Variants in FN1 observed in about 807,000 individuals in gnomAD.
The protein encoded by FN1 is fibronectin 1, also known as fibronectin.
Under a neutral mutation model 297.3 loss-of-function variants are expected in FN1, and 106 were observed. That is an observed-to-expected ratio of 0.36 (90% CI 0.30 to 0.42). The LOEUF (loss-of-function observed/expected upper bound fraction) is 0.42. Among genes scored for constraint, FN1 ranks in the 10% least tolerant of loss-of-function variants. The pLI, the probability that FN1 is intolerant of heterozygous loss-of-function variation, is 1.00. For synonymous variants in FN1, 1,149 were observed against 1,152.6 expected (o/e 1.00, Z 0.06); for missense variants, 2,690 against 3,124.9 (o/e 0.86, Z 3.32).
intron 5 of FN1, among the ~76,000 whole-genome samples, chr2:215,429,383 A>G (rs374079688): frequency 1.4e-4 from 22 of 152,338 alleles, no homozygotes; most frequent in African/African-American, 4.8e-4. Context: ...GATTATTTAA[A>G]TTATAATCCA....
intron 27 of FN1, among the ~76,000 whole-genome samples, chr2:215,387,829 T>G (rs1303604446): frequency 2.0e-5 from 3 of 152,200 alleles, no homozygotes; most frequent in African/African-American, 7.2e-5. Flanking sequence ...CATATTTTAT[T>G]AAGTAAAAAG....
chr2:215,411,982 A>G (rs2062716554), intron 13 of FN1, among the ~76,000 whole-genome samples: 1 of 152,024 alleles, frequency 6.6e-6, no homozygotes, highest in Non-Finnish European at 1.5e-5. Context: ...TACATTTTAT[A>G]CCACTTTTAA....
chr2:215,376,184 T>C (rs1357111117), intron 36 of FN1, among the ~76,000 whole-genome samples: 5 of 152,244 alleles, frequency 3.3e-5, no homozygotes, highest in Non-Finnish European at 2.9e-5. Context: ...CTAAGATCTA[T>C]ACATCACTGT....
chr2:215,413,893 G>A (rs985317169), intron 13 of FN1, among the ~76,000 whole-genome samples: 4 of 152,136 alleles, frequency 2.6e-5, no homozygotes, highest in African/African-American at 9.7e-5. Flanking sequence ...TCAAAGATGC[G>A]TCTAGACGTG....
At chr2:215,398,086 G>A (rs1398711676) in intron 21 of FN1, among the ~76,000 whole-genome samples, 1 of 152,218 alleles carries the variant, frequency 6.6e-6, no homozygotes, top group African/African-American at 2.4e-5. Flanking sequence ...CCAGAGAAAT[G>A]TCATTACATA....
At position 215,372,011 on chromosome 2, in the gene FN1, T is replaced by G. The variant is rs1395087162; in HGVS notation, c.6612A>C (p.Gln2204His). The G allele has an allele frequency of 6.2e-7, 1 of 1,614,230 alleles. No individual in the cohort carries two copies. Among genetic ancestry groups the G allele is most frequent in the Non-Finnish European group, 8.5e-7 (1 of 1,180,030 alleles). Reference protein sequence around the residue: ...PGLNPNASTGQEALSQTTISW... With the variant: ...PGLNPNASTGHEALSQTTISW... ...AGATGGTTGTCTGAGAGAGAGCTTC[T>G]TGTCCTGTAGAGGCATTTGGATTGA... Residue 2204 changes from glutamine to histidine, a missense_variant, in exon 40 of 46, where the codon CAA (glutamine) becomes CAC (histidine). Around this residue, in one of 3 missense-constraint regions of FN1, gnomAD observed 1,743 missense variants for 1,945.2 expected, o/e 0.90. Transcript: ENST00000354785.
rs1360238781 is a variant in FN1, at chr2:215,367,941, G to A, written c.6940C>T (p.Arg2314Ter). ...AGTTTAAAGCCTGATTCAGACATTC[G>A]TTCCCACTCATCTCCAACGGCATAA... Reference protein sequence around the residue: ...SHYAVGDEWERMSESGFKLLC... With the variant: ...SHYAVGDEWE The change falls in exon 42 of 46, where the codon CGA (arginine) becomes TGA (stop). Residue 2314 changes from arginine (R) to a stop codon, truncating the protein, a stop_gained. Transcript: ENST00000354785. LOFTEE classifies it high-confidence loss of function. 1.9e-6 allele frequency: 3 copies of A among 1,614,010 alleles called. No homozygotes were observed. The highest frequency in any genetic ancestry group is 8.5e-7 in the Non-Finnish European group (1 of 1,179,912).
At chr2:215,412,118 G>A (rs1397449676) in intron 13 of FN1, among the ~76,000 whole-genome samples, 2 of 151,966 alleles carry the variant, frequency 1.3e-5, no homozygotes, top group African/African-American at 4.8e-5. Context: ...TGTTGATTTC[G>A]ATCACTGGAC....
At chr2:215,396,443 A>G (rs1559455395) in intron 23 of FN1, among the ~76,000 whole-genome samples, 1 of 152,198 alleles carries the variant, frequency 6.6e-6, no homozygotes. Flanking sequence ...ATATGTGAAC[A>G]AGGAATTTAG....
chr2:215,362,763 G>A (rs1010486844), intron 44 of FN1: 2 of 153,572 alleles, frequency 1.3e-5, no homozygotes, highest in African/African-American at 4.8e-5. Context: ...GGACACACAT[G>A]TTCTCTTTCA....
At position 215,404,608 on chromosome 2, in the gene FN1, T is replaced by C; in HGVS notation, c.3034A>G (p.Thr1012Ala). The change falls in exon 20 of 46, where the codon ACT (threonine) becomes GCT (alanine). Residue 1012 changes from threonine (T) to alanine (A), a missense_variant. Around this residue, in one of 3 missense-constraint regions of FN1, gnomAD observed 1,743 missense variants for 1,945.2 expected, o/e 0.90. Transcript: ENST00000354785. ...NLQFVNETDS[T>A]VLVRWTPPRA... ...GGTGGAGTCCATCTCACCAGGACAGTAGAATCAGTTTCATTGACAAACTGG... is the reference window on the plus strand; with the variant it reads ...GGTGGAGTCCATCTCACCAGGACAGCAGAATCAGTTTCATTGACAAACTGG... 6.2e-7 allele frequency: 1 copy of C among 1,613,942 alleles called. No homozygotes were observed. The highest frequency in any genetic ancestry group is 8.5e-7 in the Non-Finnish European group (1 of 1,179,846).
At position 215,404,264 on chromosome 2, in the gene FN1, T is replaced by G. The variant is rs1403452560; in HGVS notation, c.3253+125A>C. The G allele has an allele frequency of 3.0e-6, 3 of 1,001,040 alleles. No individual in the cohort carries two copies. In the East Asian group the frequency reaches 7.6e-5, roughly 25 times the overall value. 62.0% of individuals were successfully genotyped at this position (1,001,040 alleles called of 1,614,324 possible). The stretch of plus-strand genomic sequence containing the variant: ...GCCAGTCTATGGAGCACATTTTTAG[T>G]ATCACTGATTTAAATTATGTACTAA... On this transcript the variant is annotated intron_variant, in intron 20 of 45. Coordinates refer to ENST00000354785, the MANE Select transcript of FN1 (RefSeq NM_212482.4).
intron 12 of FN1, among the ~76,000 whole-genome samples, chr2:215,417,208 C>T (rs1414391478): frequency 6.6e-6 from 1 of 152,136 alleles, no homozygotes; most frequent in African/African-American, 2.4e-5. Flanking sequence ...TTTAAATTAA[C>T]TTAATTGGCA....
At chr2:215,370,605 G>A in intron 40 of FN1, 173 bp from the exon 41 acceptor site, 1 of 626,302 alleles carries the variant, frequency 1.6e-6, no homozygotes, top group Admixed American at 2.8e-5. Flanking sequence ...GCTGAGGAGA[G>A]AAATGGAACA....
At chr2:215,419,437 A>G in intron 11 of FN1, 52 bp from the exon 12 acceptor site, 5 of 1,505,476 alleles carry the variant, frequency 3.3e-6, no homozygotes, top group Non-Finnish European at 4.6e-6. Flanking sequence ...TATAACTACG[A>G]ATTTAATTTC....
rs762930787 is a variant in FN1 at position 215,379,124 on chromosome 2, T to C, written c.5622+6A>G. ...TTTATTCCAATGAACAACGGTCATG[T>C]CTTACCATAAGTCCTGATACAACCA... On this transcript the variant is annotated splice_donor_region_variant and intron_variant, in intron 34 of 45. Transcript: ENST00000354785. The C allele has an allele frequency of 2.5e-6, 4 of 1,613,452 alleles. No homozygotes were observed. Among genetic ancestry groups the C allele is most frequent in the Non-Finnish European group, 3.4e-6 (4 of 1,179,350 alleles).
intron 13 of FN1, among the ~76,000 whole-genome samples, chr2:215,413,013 A>C (rs2062898974): frequency 6.6e-6 from 1 of 152,148 alleles, no homozygotes; most frequent in Non-Finnish European, 1.5e-5. Context: ...GGGTGGATCA[A>C]AGTTTCCAGA....
chr2:215,420,933 A>G (rs989181809), intron 10 of FN1, 132 bp from the exon 11 acceptor site: 11 of 908,312 alleles, frequency 1.2e-5, no homozygotes, highest in Non-Finnish European at 1.7e-5. Context: ...TAACTTTTCT[A>G]CAAGCATAGA....
intron 38 of FN1, among the ~76,000 whole-genome samples, chr2:215,373,671 C>CTTT (rs58966623): frequency 2.4e-5 from 3 of 125,450 alleles, no homozygotes; most frequent in African/African-American, 3.4e-5. Flanking sequence ...CCAGGGTATT[C>CTTT]TTTTTTTTTT....
Sources: gnomAD v4.1 joint callset for allele counts (sites outside exome capture counted in the v4.1 genomes callset) on GRCh38, gnomAD v4.1.1 for gene constraint, gnomAD v4.1.1 regional missense constraint, MANE v1.5 for transcripts, NCBI Gene and HGNC (gene_info 2026-07-23, HGNC 2026-07-21) for gene names.